ARHGEF28: variants seen among roughly 807,000 people sequenced by gnomAD.
The protein encoded by ARHGEF28 is Rho guanine nucleotide exchange factor 28, also known as 190 kDa guanine nucleotide exchange factor.
Under a neutral mutation model 206.6 loss-of-function variants are expected in ARHGEF28, and 152 were observed. The ratio of observed to expected loss-of-function variants is 0.74; its 90% CI spans 0.64 to 0.84. ARHGEF28 has a LOEUF of 0.84. Ranked by LOEUF, ARHGEF28 falls within the 40% of genes least tolerant of loss-of-function variation. The pLI is 0.00. For missense variants in ARHGEF28, 2,028 were observed against 2,073.2 expected (o/e 0.98, Z 0.42); for synonymous variants, 763 against 776.4 (o/e 0.98, Z 0.29).
chr5:73,736,407 G>A lies in ARHGEF28; in HGVS notation c.34-13430G>A, dbSNP rs371558625. 3.5e-3 allele frequency among the ~76,000 whole-genome samples: 539 copies of A among 152,198 alleles called. 1 individual carries two copies. Among genetic ancestry groups the A allele is most frequent in the African/African-American group, 0.012 (518 of 41,530 alleles). ...CTCCAGATCACTGTATAATTATCAGGGCATTTACCTCTCGAAGTCTCTCTT... is the reference window on the plus strand; with the variant it reads ...CTCCAGATCACTGTATAATTATCAGAGCATTTACCTCTCGAAGTCTCTCTT... On this transcript the variant is annotated intron_variant, in intron 2 of 35. Coordinates refer to ENST00000513042, the MANE Select transcript of ARHGEF28 (RefSeq NM_001177693.2).
chr5:73,715,751 G>T (rs115963703), intron 2 of ARHGEF28, among the ~76,000 whole-genome samples: 2,093 of 152,300 alleles, frequency 0.014, 44 homozygotes, highest in African/African-American at 0.047. Flanking sequence ...TGCTACTATC[G>T]TGATACGCTG....
At chr5:73,770,885 C>G (rs972110232) in intron 4 of ARHGEF28, among the ~76,000 whole-genome samples, 3 of 152,198 alleles carry the variant, frequency 2.0e-5, no homozygotes, top group African/African-American at 7.2e-5. Context: ...ACTGTTCTCT[C>G]TCATTGAACA....
chr5:73,869,227 G>GGGT (rs1554072936), intron 20 of ARHGEF28, among the ~76,000 whole-genome samples: 1 of 130,278 alleles, frequency 7.7e-6, no homozygotes, highest in Non-Finnish European at 1.6e-5. Flanking sequence ...TGGGGTGGAG[G>GGGT]GGGGTGGGGA....
At chr5:73,812,123 A>T (rs1220422377) in intron 9 of ARHGEF28, among the ~76,000 whole-genome samples, 2 of 152,082 alleles carry the variant, frequency 1.3e-5, no homozygotes, top group Non-Finnish European at 2.9e-5. Flanking sequence ...CACAGTAGTG[A>T]TTTATGTAAT....
chr5:73,689,292 T>C (rs1747669586), intron 2 of ARHGEF28, among the ~76,000 whole-genome samples: 1 of 152,192 alleles, frequency 6.6e-6, no homozygotes, highest in East Asian at 1.9e-4. Context: ...CTTGGAGATA[T>C]AGTAATATTC....
chr5:73,650,171 A>G (rs888397751), intron 1 of ARHGEF28, among the ~76,000 whole-genome samples: 3 of 152,090 alleles, frequency 2.0e-5, no homozygotes, highest in Non-Finnish European at 4.4e-5. Flanking sequence ...TGGCTCATGT[A>G]AGCTGGTCTA....
chr5:73,692,823 G>A (rs931738642), intron 2 of ARHGEF28, among the ~76,000 whole-genome samples: 1 of 152,202 alleles, frequency 6.6e-6, no homozygotes. Flanking sequence ...CCCAGCAGGG[G>A]CCTTCTTCCG....
rs16870681 is a variant in ARHGEF28, at chr5:73,685,012, G to A, written c.33+128G>A. On this transcript the variant is annotated intron_variant, in intron 2 of 35. Coordinates refer to ENST00000513042, the MANE Select transcript of ARHGEF28 (RefSeq NM_001177693.2). ...GCTTTTTAAAAACAACACACTGAGCGTTACTGTCTAGTTCAAGTATTTGCA... is the reference window on the plus strand; with the variant it reads ...GCTTTTTAAAAACAACACACTGAGCATTACTGTCTAGTTCAAGTATTTGCA... The A allele has an allele frequency of 0.22, 193,148 of 880,652 alleles. 22,536 individuals are homozygous for A. The highest frequency in any genetic ancestry group is 0.24 in the Non-Finnish European group (141,926 of 589,368). 54.6% of individuals were successfully genotyped at this position (880,652 alleles called of 1,614,324 possible). A position where few individuals can be genotyped will look rare whatever the true frequency, so the allele number is the denominator to read the frequency against.
chr5:73,935,077 A>G (rs770174654), intron 35 of ARHGEF28, among the ~76,000 whole-genome samples: 1 of 151,840 alleles, frequency 6.6e-6, no homozygotes, highest in East Asian at 1.9e-4. Flanking sequence ...ATATAATCTC[A>G]TCTTCATTGT....
chr5:73,655,437 C>T (rs1365240974), intron 1 of ARHGEF28, among the ~76,000 whole-genome samples: 10 of 152,322 alleles, frequency 6.6e-5, no homozygotes, highest in Admixed American at 5.2e-4. Flanking sequence ...CACATTATCT[C>T]CTTTTATCTG....
intron 1 of ARHGEF28, among the ~76,000 whole-genome samples, chr5:73,652,818 C>A (rs1371646306): frequency 6.6e-6 from 1 of 152,136 alleles, no homozygotes. Flanking sequence ...ACTGAGCTTT[C>A]AAGTGGTTGA....
intron 7 of ARHGEF28, 142 bp downstream of exon 7, chr5:73,780,887 C>T (rs763021887): frequency 5.1e-5 from 40 of 779,886 alleles, no homozygotes; most frequent in Middle Eastern, 3.7e-4. Flanking sequence ...TACAGCAAAG[C>T]CCCTGGGTCC....
intron 10 of ARHGEF28, 124 bp from the exon 11 acceptor site, chr5:73,840,356 C>A (rs565643121): frequency 1.1e-6 from 1 of 871,848 alleles, no homozygotes; most frequent in Non-Finnish European, 1.7e-6. Flanking sequence ...CTCAAGTGAT[C>A]TGCCAGCCTC....
Position 73,846,555 on chromosome 5 carries a change from A to G in ARHGEF28, c.1635+80A>G, listed in dbSNP as rs13161779. On this transcript the variant is annotated intron_variant, in intron 12 of 35. Coordinates refer to ENST00000513042, the MANE Select transcript of ARHGEF28 (RefSeq NM_001177693.2). ...GCATTTACCCATCTGTATCTGAAAG[A>G]CATATTATATTTTATTCATACATAT... 137,821 of 1,341,862 alleles carry G rather than the reference A, an allele frequency of 0.1. 8,266 individuals are homozygous for G. Among genetic ancestry groups the G allele is most frequent in the East Asian group, 0.23 (9,724 of 42,460 alleles). The allele number at this position is 1,341,862 out of a possible 1,614,324, so 83.1% of individuals were successfully genotyped here.
intron 2 of ARHGEF28, among the ~76,000 whole-genome samples, chr5:73,745,672 A>G (rs1285696846): frequency 6.6e-6 from 1 of 151,962 alleles, no homozygotes; most frequent in East Asian, 1.9e-4. Context: ...TTTCCATGTG[A>G]CTTGGCCTTC....
At position 73,800,289 on chromosome 5, in the gene ARHGEF28, A is replaced by G. The variant is rs1034322932; in HGVS notation, c.1024+4898A>G. Among the ~76,000 whole-genome samples the G allele has an allele frequency of 3.3e-5, 5 of 152,158 alleles. No homozygotes were observed. In the South Asian group the frequency reaches 8.3e-4, roughly 25 times the overall value. ...AGAAAGTAACTTAAAATGATGTTGT[A>G]TGTTTGTTTTTGTTTGTTTATGTTT... On this transcript the variant is annotated intron_variant, in intron 9 of 35. Transcript: ENST00000513042.
intron 26 of ARHGEF28, 62 bp downstream of exon 26, chr5:73,887,741 A>T: frequency 7.5e-7 from 1 of 1,339,844 alleles, no homozygotes. Context: ...TTCTTGAAAA[A>T]TACCTAAAAT....
intron 33 of ARHGEF28, among the ~76,000 whole-genome samples, chr5:73,906,722 G>A (rs1359737145): frequency 2.6e-5 from 4 of 151,998 alleles, no homozygotes; most frequent in African/African-American, 7.2e-5. Context: ...GGTATGATAT[G>A]CGTGTATATG....
intron 35 of ARHGEF28, among the ~76,000 whole-genome samples, chr5:73,922,381 C>T (rs1050063499): frequency 6.6e-6 from 1 of 152,228 alleles, no homozygotes; most frequent in Non-Finnish European, 1.5e-5. Flanking sequence ...TGGGAATACA[C>T]TGACATTTGC....
Sources: gnomAD v4.1 joint callset for allele counts (sites outside exome capture counted in the v4.1 genomes callset) on GRCh38, gnomAD v4.1.1 for gene constraint, MANE v1.5 for transcripts, NCBI Gene and HGNC (gene_info 2026-07-23, HGNC 2026-07-21) for gene names.